Variants in TP53BP1 observed in about 807,000 individuals in gnomAD.
The protein encoded by TP53BP1 is tumor protein p53 binding protein 1, also known as TP53-binding protein 1.
In TP53BP1, 61 loss-of-function variants were observed where a neutral mutation model predicts 200.8. The observed-to-expected ratio is 0.30, with a 90% CI of 0.25 to 0.38. TP53BP1 has a LOEUF of 0.38. TP53BP1 is among the 10% of genes least tolerant of loss of function. The probability of loss-of-function intolerance (pLI) is 1.00; values close to 1 mark genes in which losing one functional copy is unlikely to be tolerated. For synonymous variants in TP53BP1, 822 were observed against 844.3 expected (o/e 0.97, Z 0.46); for missense variants, 2,144 against 2,371.9 (o/e 0.90, Z 2.00).
Position 43,414,712 on chromosome 15 carries a change from CT to C in TP53BP1, c.5089+881del, listed in dbSNP as rs199952419. ...GAGGGAAGAGCATACTGAAATATGA[CT>C]TTTTTTTTTTTTGATGGAGTCTCAC... On this transcript the variant is annotated intron_variant, in intron 23 of 27. Coordinates refer to ENST00000382044, the MANE Select transcript of TP53BP1 (RefSeq NM_001141980.3). Among the ~76,000 whole-genome samples, 1,788 of 144,536 alleles carry C rather than the reference CT, an allele frequency of 0.012. 59 individuals are homozygous for C. In the East Asian group the frequency reaches 0.15, roughly 12 times the overall value. The allele number at this position is 144,536 out of a possible 152,430, so 94.8% of individuals were successfully genotyped here.
chr15:43,470,083 G>A lies in TP53BP1; in HGVS notation c.1181-17C>T, dbSNP rs962846763. 1 of 1,591,804 alleles carries A rather than the reference G, an allele frequency of 6.3e-7. No homozygotes were observed. The highest frequency in any genetic ancestry group is 8.6e-7 in the Non-Finnish European group (1 of 1,162,426). ...TTGGCTTATCTGGTTTAAAACAGGA[G>A]AAACAAATTGAGAAATATCACTCAT... On this transcript the variant is annotated splice_polypyrimidine_tract_variant and intron_variant, in intron 10 of 27. Transcript: ENST00000382044.
upstream of TP53BP1, among the ~76,000 whole-genome samples, chr15:43,493,482 C>T (rs566804506): frequency 6.6e-6 from 1 of 152,158 alleles, no homozygotes; most frequent in Non-Finnish European, 1.5e-5. Context: ...CCTTAATCCC[C>T]GTCCCTCACC....
At chr15:43,435,735 C>T (rs1364395845) in intron 16 of TP53BP1, among the ~76,000 whole-genome samples, 2 of 151,796 alleles carry the variant, frequency 1.3e-5, no homozygotes, top group South Asian at 2.1e-4. Context: ...CTCACTCTCT[C>T]GCCAGGCTGT....
At chr15:43,498,934 TAG>T (rs2079195489) in intron 1 of TP53BP1, among the ~76,000 whole-genome samples, 1 of 151,830 alleles carries the variant, frequency 6.6e-6, no homozygotes, top group Admixed American at 6.6e-5. Context: ...GGAATATACT[TAG>T]AGACTATGGA....
intron 6 of TP53BP1, 147 bp downstream of exon 6, chr15:43,479,712 A>C: frequency 8.5e-7 from 1 of 1,171,764 alleles, no homozygotes; most frequent in South Asian, 1.6e-5. Flanking sequence ...ACAATTGACA[A>C]GTATTTACCA....
chr15:43,481,492 CTTT>C (rs2078965856), intron 4 of TP53BP1, among the ~76,000 whole-genome samples: 1 of 150,060 alleles, frequency 6.7e-6, no homozygotes. Context: ...CACACACACA[CTTT>C]TTATTTTTTA....
In TP53BP1 at chr15:43,447,488, GAAAAAAA is replaced by G. The variant is rs749575788; in HGVS notation, c.2717-10_2717-4del. On this transcript the variant is annotated splice_region_variant and splice_polypyrimidine_tract_variant and intron_variant, in intron 12 of 27. Coordinates refer to ENST00000382044, the MANE Select transcript of TP53BP1 (RefSeq NM_001141980.3). ...CAAAGTGAAATGAAATGGGGTTTCT[GAAAAAAA>G]AAAAAAAAAGAAAAAAGAAAGAAAG... 1.8e-3 allele frequency: 1,687 copies of G among 956,456 alleles called. 27 individuals carry two copies. The African/African-American group carries it at 0.034, about 19-fold the overall frequency. 59.2% of individuals were successfully genotyped at this position (956,456 alleles called of 1,614,324 possible). A position where few individuals can be genotyped will look rare whatever the true frequency, so the allele number is the denominator to read the frequency against.
chr15:43,504,109 A>AT, intron 1 of TP53BP1, among the ~76,000 whole-genome samples: 1 of 151,740 alleles, frequency 6.6e-6, no homozygotes, highest in African/African-American at 2.4e-5. Flanking sequence ...AAATAGCAAG[A>AT]CCCCCCTCCT....
At chr15:43,452,872 G>A (rs1054637351) in intron 12 of TP53BP1, among the ~76,000 whole-genome samples, 1 of 152,106 alleles carries the variant, frequency 6.6e-6, no homozygotes, top group African/African-American at 2.4e-5. Flanking sequence ...ATATCTCACT[G>A]TTTTAGAAGC....
intron 1 of TP53BP1, among the ~76,000 whole-genome samples, chr15:43,510,036 T>A (rs2079263494): frequency 6.6e-6 from 1 of 152,076 alleles, no homozygotes; most frequent in African/African-American, 2.4e-5. Flanking sequence ...AGCACTTTTT[T>A]ACAAAGATGT....
At chr15:43,408,643 C>CTT (rs1394724281) in intron 26 of TP53BP1, 1 of 473,412 alleles carries the variant, frequency 2.1e-6, no homozygotes, top group Admixed American at 3.3e-5. Flanking sequence ...TTGCTTAAAA[C>CTT]TTAGTTCTCT....
intron 11 of TP53BP1, among the ~76,000 whole-genome samples, chr15:43,461,482 T>A (rs2046430000): frequency 6.6e-6 from 1 of 152,012 alleles, no homozygotes; most frequent in African/African-American, 2.4e-5. Context: ...ACTCCCAGAG[T>A]GCTGGGATTA....
At chr15:43,493,582 G>T (rs2079159287), upstream of TP53BP1, among the ~76,000 whole-genome samples, 1 of 152,068 alleles carries the variant, frequency 6.6e-6, no homozygotes, top group Non-Finnish European at 1.5e-5. Flanking sequence ...CTTCAGAGCT[G>T]GTGAACCCAA....
chr15:43,443,693 T>A (rs2045979706), intron 14 of TP53BP1, among the ~76,000 whole-genome samples: 1 of 152,008 alleles, frequency 6.6e-6, no homozygotes, highest in South Asian at 2.1e-4. Context: ...AAGCCCTGTC[T>A]CAACAACAAT....
upstream of TP53BP1, among the ~76,000 whole-genome samples, chr15:43,493,938 T>C (rs1271314159): frequency 6.6e-6 from 1 of 152,190 alleles, no homozygotes; most frequent in East Asian, 1.9e-4. Flanking sequence ...CTGCCACCCC[T>C]TCTAACTAGA....
intron 18 of TP53BP1, 111 bp downstream of exon 18, chr15:43,427,905 C>G (rs2045581263): frequency 1.3e-6 from 1 of 766,286 alleles, no homozygotes; most frequent in African/African-American, 1.9e-5. Context: ...TGCAGTGAAA[C>G]AAAATCACGC....
At position 43,492,470 on chromosome 15, in the gene TP53BP1, T is replaced by G. The variant is rs1489846050; in HGVS notation, c.8-2A>C. 6.2e-7 allele frequency: 1 copy of G among 1,612,210 alleles called. No individual in the cohort carries two copies. Among genetic ancestry groups the G allele is most frequent in the Admixed American group, 1.7e-5 (1 of 59,842 alleles). ...TTCCAGTAGGGTCCATCTGCTCCCC[T>G]GGAATGGAATAACAAAAGATCAGTT... On this transcript the variant is annotated splice_acceptor_variant, in intron 1 of 27. Coordinates refer to ENST00000382044, the MANE Select transcript of TP53BP1 (RefSeq NM_001141980.3). LOFTEE classifies it high-confidence loss of function.
At chr15:43,472,793 G>A (rs937491543) in intron 10 of TP53BP1, among the ~76,000 whole-genome samples, 1 of 152,122 alleles carries the variant, frequency 6.6e-6, no homozygotes, top group Non-Finnish European at 1.5e-5. Flanking sequence ...TTTAAAAATT[G>A]AGCCAATACA....
intron 2 of TP53BP1, 29 bp from the exon 3 acceptor site, chr15:43,492,124 A>G (rs774997482): frequency 1.9e-6 from 3 of 1,562,754 alleles, no homozygotes; most frequent in Non-Finnish European, 2.6e-6. Flanking sequence ...AAATATCCCC[A>G]TTATATATGA....
Sources: allele counts gnomAD v4.1 joint callset (sites outside exome capture counted in the v4.1 genomes callset), GRCh38; gene constraint gnomAD v4.1.1; transcripts MANE v1.5; gene names NCBI Gene and HGNC (gene_info 2026-07-23, HGNC 2026-07-21).